Variants in IRF2BP1 observed in about 807,000 individuals in gnomAD.
IRF2BP1 encodes the protein interferon regulatory factor 2 binding protein 1.
In IRF2BP1, 9 loss-of-function variants were observed where a neutral mutation model predicts 38.6. The ratio of observed to expected loss-of-function variants is 0.23; its 90% CI spans 0.14 to 0.41. IRF2BP1 has a LOEUF of 0.41. Ranked by LOEUF, IRF2BP1 falls within the 10% of genes least tolerant of loss-of-function variation. The pLI, the probability that IRF2BP1 is intolerant of heterozygous loss-of-function variation, is 1.00. For synonymous variants in IRF2BP1, 416 were observed against 383.4 expected, an observed-to-expected ratio of 1.08 and a Z score of -0.99; for missense variants, 631 against 829.6, an observed-to-expected ratio of 0.76 and a Z score of 2.94.
Position 45,884,015 on chromosome 19 carries a change from G to A in IRF2BP1, c.*5C>T, listed in dbSNP as rs370155944. The A allele has an allele frequency of 3.1e-5, 48 of 1,551,776 alleles. 1 individual carries two copies. The South Asian group carries it at 3.4e-4, about 11-fold the overall frequency. ...AGAGGGCAGTAGCCTGGAGGCAGTG[G>A]TAGCCTAGGGGTCCCGTTCTTTCTT... On this transcript the variant is annotated 3_prime_UTR_variant, in exon 1 of 1. Coordinates refer to ENST00000302165, the MANE Select transcript of IRF2BP1 (RefSeq NM_015649.3).
In IRF2BP1 at chr19:45,885,525, C is replaced by T. The variant is rs761839876; in HGVS notation, c.250G>A (p.Ala84Thr). The T allele has an allele frequency of 1.4e-6, 2 of 1,418,918 alleles. No homozygotes were observed. The highest frequency in any genetic ancestry group is 3.1e-5 in the Admixed American group (1 of 31,798). The allele number at this position is 1,418,918 out of a possible 1,614,324, so 87.9% of individuals were successfully genotyped here. ...GGCGGCAGCTGGGGCCCCTGTGCGG[C>T]TGCCGCCGCCAGGTCCTTGGTGGCC... ...HPATKDLAAA[A>T]AQGPQLPPPQ... Residue 84 changes from alanine to threonine, a missense_variant, in exon 1 of 1, where the codon GCC becomes ACC. Physicochemically the swap from Ala to Thr is moderately conservative, Grantham distance 58. Transcript: ENST00000302165.
At position 45,885,967 on chromosome 19, in the gene IRF2BP1, G is replaced by T; in HGVS notation, c.-193C>A. ...GCCCTAAGCCTTTCTGCTCACTCCC[G>T]CCTCCCTCGCGAAGGCAGGCTGAGG... On this transcript the variant is annotated 5_prime_UTR_variant, in exon 1 of 1. Coordinates refer to ENST00000302165, the MANE Select transcript of IRF2BP1 (RefSeq NM_015649.3). 1.7e-6 allele frequency: 1 copy of T among 598,518 alleles called. No homozygotes were observed. The highest frequency in any genetic ancestry group is 2.6e-6 in the Non-Finnish European group (1 of 387,348). The allele number at this position is 598,518 out of a possible 1,614,324, so 37.1% of individuals were successfully genotyped here.
At position 45,884,737 on chromosome 19, in the gene IRF2BP1, G is replaced by C. The variant is rs1396687794; in HGVS notation, c.1038C>G (p.Pro346=). 1.9e-6 allele frequency: 3 copies of C among 1,611,738 alleles called. No individual in the cohort carries two copies. The highest frequency in any genetic ancestry group is 2.5e-6 in the Non-Finnish European group (3 of 1,179,690). Residue 346 remains proline (P), a synonymous_variant, in exon 1 of 1, where the codon CCC becomes CCG. Transcript: ENST00000302165. ...DGVRSFREPA[P]AEALPQQYPE... ...GGTACTGCTGGGGCAGGGCCTCCGC[G>C]GGAGCTGGCTCGCGGAAGCTGCGGA...
In IRF2BP1 at chr19:45,883,860, A is replaced by C; in HGVS notation, c.*160T>G. On this transcript the variant is annotated 3_prime_UTR_variant, in exon 1 of 1. Transcript: ENST00000302165. ...CAGGAGCCACAAGCTTTCTCCCCCC[A>C]CCCACAATGCATCTACCCCAGGGGA... The C allele has an allele frequency of 4.8e-6, 3 of 629,398 alleles. No individual in the cohort carries two copies. 39.0% of individuals were successfully genotyped at this position (629,398 alleles called of 1,614,324 possible).
Position 45,885,936 on chromosome 19 carries a change from C to T in IRF2BP1, c.-162G>A. On this transcript the variant is annotated 5_prime_UTR_variant, in exon 1 of 1. Transcript: ENST00000302165. ...CCAGGCCCGGCCCCCCTTCCCCGCC[C>T]CCTGGGCCCTAAGCCTTTCTGCTCA... 1 of 803,500 alleles carries T rather than the reference C, an allele frequency of 1.2e-6. No individual in the cohort carries two copies. 49.8% of individuals were successfully genotyped at this position (803,500 alleles called of 1,614,324 possible). A position where few individuals can be genotyped will look rare whatever the true frequency, so the allele number is the denominator to read the frequency against.
At position 45,885,244 on chromosome 19, in the gene IRF2BP1, TCGGCTTCCC is replaced by T. The variant is rs1967039536; in HGVS notation, c.522_530del (p.Ser176_Gly178del). On this transcript the variant is annotated inframe_deletion, in exon 1 of 1. Coordinates refer to ENST00000302165, the MANE Select transcript of IRF2BP1 (RefSeq NM_015649.3). ...TCAAGCCGGGTGCCAGCGTCAGGCC[TCGGCTTCCC>T]AGGCCAGACACTGCAGCTGCCAGCA... The T allele has an allele frequency of 6.2e-7, 1 of 1,603,794 alleles. No individual in the cohort carries two copies. The highest frequency in any genetic ancestry group is 1.3e-5 in the African/African-American group (1 of 74,944).
At position 45,883,884 on chromosome 19, in the gene IRF2BP1, G is replaced by A; in HGVS notation, c.*136C>T. 1 of 806,922 alleles carries A rather than the reference G, an allele frequency of 1.2e-6. No homozygotes were observed. The highest frequency in any genetic ancestry group is 1.8e-6 in the Non-Finnish European group (1 of 540,898). The allele number at this position is 806,922 out of a possible 1,614,324, so 50.0% of individuals were successfully genotyped here. A position where few individuals can be genotyped will look rare whatever the true frequency, so the allele number is the denominator to read the frequency against. On this transcript the variant is annotated 3_prime_UTR_variant, in exon 1 of 1. Coordinates refer to ENST00000302165, the MANE Select transcript of IRF2BP1 (RefSeq NM_015649.3). ...CACCCACAATGCATCTACCCCAGGG[G>A]ACCCATCTGGGTGGAAGAAGGGAGT...
Position 45,885,775 on chromosome 19 carries a change from G to A in IRF2BP1, c.-1C>T. 1 of 1,546,490 alleles carries A rather than the reference G, an allele frequency of 6.5e-7. No individual in the cohort carries two copies. The highest frequency in any genetic ancestry group is 1.9e-5 in the Admixed American group (1 of 53,380). On this transcript the variant is annotated 5_prime_UTR_variant, in exon 1 of 1. Coordinates refer to ENST00000302165, the MANE Select transcript of IRF2BP1 (RefSeq NM_015649.3). ...GGCGGGACGCCTGCACAGACGCCAT[G>A]GCCCCAGTCCGCGCGCCGCCCAGCT...
chr19:45,886,118 G>A lies in IRF2BP1; in HGVS notation c.-344C>T, dbSNP rs1287038194. On this transcript the variant is annotated 5_prime_UTR_variant, in exon 1 of 1. Coordinates refer to ENST00000302165, the MANE Select transcript of IRF2BP1 (RefSeq NM_015649.3). ...CGCCGCCGCCGCTGCAACGGCCGCC[G>A]CCGCCTCCACCTCCTTCTTCTGCCC... 3 of 198,418 alleles carry A rather than the reference G, an allele frequency of 1.5e-5. No individual in the cohort carries two copies. Among genetic ancestry groups the A allele is most frequent in the Non-Finnish European group, 3.0e-5 (3 of 98,610 alleles). The allele number at this position is 198,418 out of a possible 1,614,324, so 12.3% of individuals were successfully genotyped here.
Position 45,884,689 on chromosome 19 carries a change from G to A in IRF2BP1, c.1086C>T (p.Leu362=), listed in dbSNP as rs764670248. The A allele has an allele frequency of 1.9e-6, 3 of 1,605,740 alleles. No homozygotes were observed. The highest frequency in any genetic ancestry group is 4.5e-5 in the East Asian group (2 of 44,750). ...ATGGGGCTCGCGGGGGTGGGCCACAGAGAGCCGCAGGGGCCGGCTCTGGGT... is the reference window on the plus strand; with the variant it reads ...ATGGGGCTCGCGGGGGTGGGCCACAAAGAGCCGCAGGGGCCGGCTCTGGGT... The part of the protein sequence containing the change: ...QQYPEPAPAA[L]CGPPPRAPSR... The change falls in exon 1 of 1, where the codon CTC becomes CTT. Residue 362 remains leucine (L), a synonymous_variant. Transcript: ENST00000302165.
chr19:45,885,843 C>G lies in IRF2BP1; in HGVS notation c.-69G>C. On this transcript the variant is annotated 5_prime_UTR_variant, in exon 1 of 1. Coordinates refer to ENST00000302165, the MANE Select transcript of IRF2BP1 (RefSeq NM_015649.3). ...GCCGACGTGCGATCCGCGCCGCCAA[C>G]GTTCGATCCGCGTCCCGGGGACAGC... is the stretch of plus-strand genomic sequence containing the variant. The G allele has an allele frequency of 7.0e-7, 1 of 1,426,328 alleles. No individual in the cohort carries two copies. Among genetic ancestry groups the G allele is most frequent in the South Asian group, 1.4e-5 (1 of 69,372 alleles). 88.4% of individuals were successfully genotyped at this position (1,426,328 alleles called of 1,614,324 possible).
chr19:45,884,233 G>A lies in IRF2BP1; in HGVS notation c.1542C>T (p.His514=), dbSNP rs148503761. ...CGGGCACCGAGGGGCACTGGACGAAGTGGGTGTCTTCTAGCCGCTCCCTGC... is the reference window on the plus strand; with the variant it reads ...CGGGCACCGAGGGGCACTGGACGAAATGGGTGTCTTCTAGCCGCTCCCTGC... ...TLCRERLEDT[H]FVQCPSVPGH... Residue 514 remains histidine (H), a synonymous_variant, in exon 1 of 1, where the codon CAC becomes CAT. Transcript: ENST00000302165. The A allele has an allele frequency of 2.0e-5, 32 of 1,610,676 alleles. No individual in the cohort carries two copies. In the African/African-American group the frequency reaches 4.3e-4, roughly 21 times the overall value.
Position 45,884,821 on chromosome 19 carries a change from A to G in IRF2BP1, c.954T>C (p.Tyr318=). The change falls in exon 1 of 1, where the codon TAT becomes TAC. Residue 318 remains tyrosine (Y), a synonymous_variant. Transcript: ENST00000302165. ...LASSGFKYLE[Y]ERRHGSGEWR... ...ATTCTCCTGATCCATGCCGGCGTTC[A>G]TATTCGAGGTACTTGAAGCCCGAAG... is the stretch of plus-strand genomic sequence containing the variant. The G allele has an allele frequency of 1.9e-6, 3 of 1,612,876 alleles. No homozygotes were observed. The highest frequency in any genetic ancestry group is 2.5e-6 in the Non-Finnish European group (3 of 1,180,008).
rs199752782 is a variant in IRF2BP1, at chr19:45,884,782, G to A, written c.993C>T (p.Gly331=). 5 of 1,612,460 alleles carry A rather than the reference G, an allele frequency of 3.1e-6. No homozygotes were observed. In the African/African-American group the frequency reaches 6.7e-5, roughly 21 times the overall value. The part of the protein sequence containing the change: ...RHGSGEWRQL[G]ELLTDGVRSF... ...TGCGGACGCCGTCGGTAAGCAGCTCGCCCAGCTGCCGCCATTCTCCTGATC... is the reference window on the plus strand; with the variant it reads ...TGCGGACGCCGTCGGTAAGCAGCTCACCCAGCTGCCGCCATTCTCCTGATC... The change falls in exon 1 of 1, where the codon GGC becomes GGT. Residue 331 remains glycine, a synonymous_variant. Coordinates refer to ENST00000302165, the MANE Select transcript of IRF2BP1 (RefSeq NM_015649.3).
At position 45,883,661 on chromosome 19, in the gene IRF2BP1, T is replaced by TG. The variant is rs552102300; in HGVS notation, c.*358dup. The TG allele has an allele frequency of 0.02, 1,227 of 60,968 alleles. 5 individuals are homozygous for TG. Among genetic ancestry groups the TG allele is most frequent in the Non-Finnish European group, 0.025 (954 of 38,532 alleles). 3.8% of individuals were successfully genotyped at this position (60,968 alleles called of 1,614,324 possible). On this transcript the variant is annotated 3_prime_UTR_variant, in exon 1 of 1. Transcript: ENST00000302165. Reference sequence around the variant, plus strand: ...TGAAGGAGCAGAAGGGAGCGGGGGGTGGGGGGGTGGGAATTAAATGCTTTT... The same window carrying TG: ...TGAAGGAGCAGAAGGGAGCGGGGGGTGGGGGGGGTGGGAATTAAATGCTTTT...
Position 45,884,592 on chromosome 19 carries a change from T to C in IRF2BP1, c.1183A>G (p.Met395Val), listed in dbSNP as rs1967031068. 6.3e-7 allele frequency: 1 copy of C among 1,599,112 alleles called. No homozygotes were observed. Among genetic ancestry groups the C allele is most frequent in the African/African-American group, 1.3e-5 (1 of 74,960 alleles). Reference protein sequence around the residue: ...PEPEGEAAGKMTTEEQQQRHW... With the variant: ...PEPEGEAAGKVTTEEQQQRHW... ...CGTTGCTGCTGCTCCTCGGTGGTCA[T>C]CTTCCCAGCCGCCTCGCCCTCCGGC... Residue 395 changes from methionine (M) to valine (V), a missense_variant, in exon 1 of 1, where the codon ATG becomes GTG. By Grantham distance (21) the Met-to-Val change is conservative (BLOSUM62 1). This residue lies in a region of IRF2BP1 where 201 missense variants were observed against 215.3 expected (regional missense o/e 0.93). Transcript: ENST00000302165.
rs1339669377 is a variant in IRF2BP1, at chr19:45,884,212, C to A, written c.1563G>T (p.Val521=). 1.2e-6 allele frequency: 2 copies of A among 1,611,610 alleles called. No homozygotes were observed. The highest frequency in any genetic ancestry group is 4.5e-5 in the East Asian group (2 of 44,874). Residue 521 remains valine, a synonymous_variant, in exon 1 of 1, where the codon GTG becomes GTT. Transcript: ENST00000302165. ...AGGGAAAGCAGAACTTGTGTCCGGGCACCGAGGGGCACTGGACGAAGTGGG... is the reference window on the plus strand; with the variant it reads ...AGGGAAAGCAGAACTTGTGTCCGGGAACCGAGGGGCACTGGACGAAGTGGG... ...EDTHFVQCPS[V]PGHKFCFPCS...
Position 45,884,023 on chromosome 19 carries a change from G to C in IRF2BP1, c.1752C>G (p.Pro584=). Residue 584 remains proline (P), a synonymous_variant, in exon 1 of 1, where the codon CCC becomes CCG. Transcript: ENST00000302165. The part of the protein sequence containing the change: ...GDIKVKKERD[P] ...GTAGCCTGGAGGCAGTGGTAGCCTAGGGGTCCCGTTCTTTCTTAACTTTGA... is the reference window on the plus strand; with the variant it reads ...GTAGCCTGGAGGCAGTGGTAGCCTACGGGTCCCGTTCTTTCTTAACTTTGA... 1.9e-6 allele frequency: 3 copies of C among 1,560,366 alleles called. No homozygotes were observed. The highest frequency in any genetic ancestry group is 2.3e-5 in the East Asian group (1 of 44,028).
In IRF2BP1 at chr19:45,885,833, GCGC is replaced by G. The variant is rs1458054503; in HGVS notation, c.-62_-60del. 1.4e-6 allele frequency: 2 copies of G among 1,456,154 alleles called. No homozygotes were observed. Among genetic ancestry groups the G allele is most frequent in the African/African-American group, 3.0e-5 (2 of 67,668 alleles). The allele number at this position is 1,456,154 out of a possible 1,614,324, so 90.2% of individuals were successfully genotyped here. The stretch of plus-strand genomic sequence containing the variant: ...TCCACCGGCCGCCGACGTGCGATCC[GCGC>G]CGCCAACGTTCGATCCGCGTCCCGG... On this transcript the variant is annotated 5_prime_UTR_variant, in exon 1 of 1. Coordinates refer to ENST00000302165, the MANE Select transcript of IRF2BP1 (RefSeq NM_015649.3).
Sources: gnomAD v4.1 joint callset for allele counts on GRCh38, gnomAD v4.1.1 for gene constraint, gnomAD v4.1.1 regional missense constraint, MANE v1.5 for transcripts, NCBI Gene and HGNC (gene_info 2026-07-23, HGNC 2026-07-21) for gene names.